TNFAIP3: variants seen among roughly 807,000 people sequenced by gnomAD.
TNFAIP3 encodes the protein TNF alpha induced protein 3.
A neutral mutation model predicts 72.4 loss-of-function variants in TNFAIP3; 9 were observed. The observed-to-expected ratio is 0.12, with a 90% CI of 0.07 to 0.22. The LOEUF (loss-of-function observed/expected upper bound fraction) is 0.22. Ranked by LOEUF, TNFAIP3 falls within the 10% of genes least tolerant of loss-of-function variation. TNFAIP3 has a pLI of 1.00. For synonymous variants in TNFAIP3, 339 were observed against 372.6 expected (o/e 0.91, Z 1.04); for missense variants, 833 against 1,018.7 (o/e 0.82, Z 2.48).
At chr6:137,868,189 T>G (rs1352164280) in intron 1 of TNFAIP3, 2 of 152,498 alleles carry the variant, frequency 1.3e-5, no homozygotes, top group African/African-American at 2.4e-5. Context: ...CTTTGTCAGC[T>G]GGAGTCGTCC....
intron 7 of TNFAIP3, 49 bp from the exon 8 acceptor site, chr6:137,880,022 C>A (rs778136636): frequency 1.9e-6 from 3 of 1,556,176 alleles, no homozygotes; most frequent in African/African-American, 1.4e-5. Context: ...ATCTCTGTAT[C>A]GGTGGGGTGA....
rs116202386 is a variant in TNFAIP3, at chr6:137,876,280, A to G, written c.805+114A>G. On this transcript the variant is annotated intron_variant, in intron 5 of 8. Coordinates refer to ENST00000612899, the MANE Select transcript of TNFAIP3 (RefSeq NM_001270508.2). ...AAGTATATTATTTTTATTTAAATAT[A>G]TTGTTCTGTGACTTGCTTGGTTAGT... 868 of 906,848 alleles carry G rather than the reference A, an allele frequency of 9.6e-4. 7 individuals carry two copies. In the African/African-American group the frequency reaches 0.013, roughly 13 times the overall value. The allele number at this position is 906,848 out of a possible 1,614,324, so 56.2% of individuals were successfully genotyped here.
In TNFAIP3 at chr6:137,881,467, C is replaced by G; in HGVS notation, c.*148C>G. On this transcript the variant is annotated 3_prime_UTR_variant, in exon 9 of 9. Coordinates refer to ENST00000612899, the MANE Select transcript of TNFAIP3 (RefSeq NM_001270508.2). The surrounding 1 kb of genome is among the most constrained non-coding windows in gnomAD (Gnocchi z 5.0). ...GAGGAAAGATAAGCTCTTCGTGGTG[C>G]CCACGATGCTCAGGTTTGGTAACCC... is the stretch of plus-strand genomic sequence containing the variant. 1 of 681,168 alleles carries G rather than the reference C, an allele frequency of 1.5e-6. No individual in the cohort carries two copies. The highest frequency in any genetic ancestry group is 2.3e-6 in the Non-Finnish European group (1 of 432,890). 42.2% of individuals were successfully genotyped at this position (681,168 alleles called of 1,614,324 possible).
rs1235795920 is a variant in TNFAIP3 at position 137,871,252 on chromosome 6, G to T, written c.25G>T (p.Ala9Ser). Residue 9 changes from alanine to serine, a missense_variant, in exon 2 of 9, where the codon GCT becomes TCT. Coordinates refer to ENST00000612899, the MANE Select transcript of TNFAIP3 (RefSeq NM_001270508.2). The surrounding 1 kb of genome is among the most constrained non-coding windows in gnomAD (Gnocchi z 4.2). MAEQVLPQ[A>S]LYLSNMRKAV... ...AATGGCTGAACAAGTCCTTCCTCAG[G>T]CTTTGTATTTGAGCAATATGCGGAA... The T allele has an allele frequency of 1.9e-6, 3 of 1,613,610 alleles. No individual in the cohort carries two copies. The highest frequency in any genetic ancestry group is 2.5e-6 in the Non-Finnish European group (3 of 1,179,750).
chr6:137,882,175 C>T lies in TNFAIP3; in HGVS notation c.*856C>T, dbSNP rs148995655. ...ATATTGAAATGCTGCCCTAGAAGTACAATAGGAAGGCTAAATAATAATAAC... is the reference window on the plus strand; with the variant it reads ...ATATTGAAATGCTGCCCTAGAAGTATAATAGGAAGGCTAAATAATAATAAC... On this transcript the variant is annotated 3_prime_UTR_variant, in exon 9 of 9. Transcript: ENST00000612899. The T allele has an allele frequency of 5.9e-4, 137 of 231,624 alleles. No homozygotes were observed. The highest frequency in any genetic ancestry group is 2.8e-3 in the African/African-American group (126 of 45,268). The allele number at this position is 231,624 out of a possible 1,614,324, so 14.3% of individuals were successfully genotyped here.
At chr6:137,877,047 T>C (rs1776272996) in intron 5 of TNFAIP3, 29 bp from the exon 6 acceptor site, 3 of 1,544,886 alleles carry the variant, frequency 1.9e-6, no homozygotes, top group Admixed American at 1.9e-5. Flanking sequence ...TAGAATACTG[T>C]TTTACTTATG....
intron 8 of TNFAIP3, 27 bp downstream of exon 8, chr6:137,880,279 C>T: frequency 1.9e-6 from 3 of 1,612,816 alleles, no homozygotes; most frequent in Non-Finnish European, 2.5e-6. Context: ...AGCTTTCCCT[C>T]CCTCCCGTGT....
Position 137,875,684 on chromosome 6 carries a change from T to G in TNFAIP3, c.487-4T>G. ...AAGCTTTTTTTTCACCCCGCTCCCC[T>G]TAGAACTGGAATGATGAATGGGACA... On this transcript the variant is annotated splice_polypyrimidine_tract_variant and splice_region_variant and intron_variant, in intron 3 of 8. Coordinates refer to ENST00000612899, the MANE Select transcript of TNFAIP3 (RefSeq NM_001270508.2). The G allele has an allele frequency of 6.2e-7, 1 of 1,614,072 alleles. No homozygotes were observed. The highest frequency in any genetic ancestry group is 8.5e-7 in the Non-Finnish European group (1 of 1,179,988).
At position 137,881,334 on chromosome 6, in the gene TNFAIP3, G is replaced by A. The variant is rs2114518674; in HGVS notation, c.*15G>A. 1 of 1,526,102 alleles carries A rather than the reference G, an allele frequency of 6.6e-7. No individual in the cohort carries two copies. The highest frequency in any genetic ancestry group is 1.4e-5 in the African/African-American group (1 of 72,142). 94.5% of individuals were successfully genotyped at this position (1,526,102 alleles called of 1,614,324 possible). On this transcript the variant is annotated 3_prime_UTR_variant, in exon 9 of 9. Transcript: ENST00000612899. The surrounding 1 kb of genome is among the most constrained non-coding windows in gnomAD (Gnocchi z 5.0). ...TGTATGGCTAACCGGAAACAGGTGG[G>A]TCACCTCCTGCAAGAAGTGGGGCCT... is the stretch of plus-strand genomic sequence containing the variant.
In TNFAIP3 at chr6:137,882,446, A is replaced by G; in HGVS notation, c.*1127A>G. ...GGGCAAGTTCCTGACCACAGGGAGT[A>G]AATTGGCCTCTTTGATACACTTTTG... On this transcript the variant is annotated 3_prime_UTR_variant, in exon 9 of 9. Transcript: ENST00000612899. 1 of 232,988 alleles carries G rather than the reference A, an allele frequency of 4.3e-6. No homozygotes were observed. Among genetic ancestry groups the G allele is most frequent in the Non-Finnish European group, 8.5e-6 (1 of 117,794 alleles). The allele number at this position is 232,988 out of a possible 1,614,324, so 14.4% of individuals were successfully genotyped here.
chr6:137,874,744 C>T (rs1051962922), intron 2 of TNFAIP3, 101 bp from the exon 3 acceptor site: 1 of 1,150,830 alleles, frequency 8.7e-7, no homozygotes, highest in African/African-American at 1.6e-5. Flanking sequence ...CCATTCAGTC[C>T]CCTAGAATAG....
intron 1 of TNFAIP3, among the ~76,000 whole-genome samples, chr6:137,868,603 G>A (rs778889184): frequency 6.6e-6 from 1 of 152,024 alleles, no homozygotes; most frequent in Non-Finnish European, 1.5e-5. Flanking sequence ...AATAAAACAA[G>A]GGGGAGAAGA....
chr6:137,874,746 C>T, intron 2 of TNFAIP3, 99 bp from the exon 3 acceptor site: 1 of 1,201,344 alleles, frequency 8.3e-7, no homozygotes, highest in Non-Finnish European at 1.2e-6. Context: ...ATTCAGTCCC[C>T]TAGAATAGCA....
In TNFAIP3 at chr6:137,881,139, G is replaced by A. The variant is rs566459368; in HGVS notation, c.2193G>A (p.Glu731=). ...CKNILACRSE[E]LCMECQHPNQ... Reference sequence around the variant, plus strand: ...ACATCCTGGCCTGCCGCAGCGAGGAGCTCTGCATGGAGTGTCAGCATCCCA... The same window carrying A: ...ACATCCTGGCCTGCCGCAGCGAGGAACTCTGCATGGAGTGTCAGCATCCCA... Residue 731 remains glutamate, a synonymous_variant, in exon 9 of 9, where the codon GAG becomes GAA. Transcript: ENST00000612899. The surrounding 1 kb of genome is among the most constrained non-coding windows in gnomAD (Gnocchi z 5.0). 1.5e-5 allele frequency: 24 copies of A among 1,613,922 alleles called. No homozygotes were observed. The highest frequency in any genetic ancestry group is 1.3e-4 in the Admixed American group (8 of 60,018).
At chr6:137,870,594 ACTTTATAAATACTTCT>A (rs1159672298) in intron 1 of TNFAIP3, among the ~76,000 whole-genome samples, 1 of 152,230 alleles carries the variant, frequency 6.6e-6, no homozygotes, top group Non-Finnish European at 1.5e-5. Flanking sequence ...ATGATTAAAC[ACTTTATAAATACTTCT>A]CTTTGGGGCT....
Position 137,874,853 on chromosome 6 carries a change from A to C in TNFAIP3, c.304A>C (p.Asn102His). The change falls in exon 3 of 9, where the codon AAT becomes CAT. Residue 102 changes from asparagine to histidine, a missense_variant. Physicochemically the swap from Asn to His is moderately conservative, Grantham distance 68. Coordinates refer to ENST00000612899, the MANE Select transcript of TNFAIP3 (RefSeq NM_001270508.2). The stretch of plus-strand genomic sequence containing the variant: ...CTCCTTTCTGTCCTCAGGTGACGGC[A>C]ATTGCCTCATGCATGCCACTTCTCA... Reference protein sequence around the residue: ...LVALKTNGDGNCLMHATSQYM... With the variant: ...LVALKTNGDGHCLMHATSQYM... 2 of 1,613,344 alleles carry C rather than the reference A, an allele frequency of 1.2e-6. No homozygotes were observed. Among genetic ancestry groups the C allele is most frequent in the Non-Finnish European group, 1.7e-6 (2 of 1,179,502 alleles).
In TNFAIP3 at chr6:137,876,079, G is replaced by A. The variant is rs780807041; in HGVS notation, c.718G>A (p.Ala240Thr). The A allele has an allele frequency of 3.1e-6, 5 of 1,614,024 alleles. No homozygotes were observed. In the South Asian group the frequency reaches 4.4e-5, roughly 14 times the overall value. The change falls in exon 5 of 9, where the codon GCC becomes ACC. Residue 240 changes from alanine to threonine, a missense_variant. Transcript: ENST00000612899. ...GGIYLPLHWPAQECYRYPIVL... is the reference protein window; with the variant it reads ...GGIYLPLHWPTQECYRYPIVL... ...AATTTACTTGCCTCTCCACTGGCCT[G>A]CCCAGGAATGCTACAGATACCCCAT... is the stretch of plus-strand genomic sequence containing the variant.
At position 137,881,421 on chromosome 6, in the gene TNFAIP3, C is replaced by A; in HGVS notation, c.*102C>A. 1 of 1,064,258 alleles carries A rather than the reference C, an allele frequency of 9.4e-7. No homozygotes were observed. The highest frequency in any genetic ancestry group is 1.4e-6 in the Non-Finnish European group (1 of 734,140). 65.9% of individuals were successfully genotyped at this position (1,064,258 alleles called of 1,614,324 possible). ...CCTCAGCTGCCACTGCAACAGTGGGCTTAAGGGTGTCTGAGCAGGAGAGGA... is the reference window on the plus strand; with the variant it reads ...CCTCAGCTGCCACTGCAACAGTGGGATTAAGGGTGTCTGAGCAGGAGAGGA... On this transcript the variant is annotated 3_prime_UTR_variant, in exon 9 of 9. Coordinates refer to ENST00000612899, the MANE Select transcript of TNFAIP3 (RefSeq NM_001270508.2). This position sits in a 1 kb window ranked among gnomAD's most constrained non-coding sequence, Gnocchi z 5.0.
At position 137,881,529 on chromosome 6, in the gene TNFAIP3, G is replaced by A; in HGVS notation, c.*210G>A. On this transcript the variant is annotated 3_prime_UTR_variant, in exon 9 of 9. Coordinates refer to ENST00000612899, the MANE Select transcript of TNFAIP3 (RefSeq NM_001270508.2). This position sits in a 1 kb window ranked among gnomAD's most constrained non-coding sequence, Gnocchi z 5.0. ...CAGGTGGCCTTAGAAAGCAAAGCTT[G>A]TAACTGGCAAGGGATGATGTCAGAT... The A allele has an allele frequency of 4.2e-6, 2 of 473,154 alleles. No homozygotes were observed. The highest frequency in any genetic ancestry group is 4.9e-5 in the South Asian group (1 of 20,406). 29.3% of individuals were successfully genotyped at this position (473,154 alleles called of 1,614,324 possible). A position where few individuals can be genotyped will look rare whatever the true frequency, so the allele number is the denominator to read the frequency against.
Sources: allele counts gnomAD v4.1 joint callset (sites outside exome capture counted in the v4.1 genomes callset), GRCh38; gene constraint gnomAD v4.1.1; non-coding constraint Gnocchi (gnomAD v3.1); transcripts MANE v1.5; gene names NCBI Gene and HGNC (gene_info 2026-07-23, HGNC 2026-07-21).